The following IGF2BP2 variants were observed in gnomAD, a reference collection of about 807,000 sequenced individuals.
IGF2BP2 encodes insulin-like growth factor 2 mRNA-binding protein 2.
IGF2BP2 carries 17 observed loss-of-function variants against 75.8 expected under a neutral mutation model. The ratio of observed to expected loss-of-function variants is 0.22; its 90% CI spans 0.15 to 0.34. The LOEUF (loss-of-function observed/expected upper bound fraction) is 0.34. Ranked by LOEUF, IGF2BP2 falls within the 10% of genes least tolerant of loss-of-function variation. The pLI is 1.00. For synonymous variants in IGF2BP2, 288 were observed against 295.6 expected (o/e 0.97, Z 0.26); for missense variants, 516 against 772.4 (o/e 0.67, Z 3.93).
chr3:185,804,386 C>T (rs530581284), intron 2 of IGF2BP2, among the ~76,000 whole-genome samples: 8 of 150,718 alleles, frequency 5.3e-5, no homozygotes, highest in South Asian at 2.1e-4. Context: ...GAGCTGAGAT[C>T]GCGCCACTGC....
chr3:185,809,406 A>G (rs1560505910), intron 2 of IGF2BP2, among the ~76,000 whole-genome samples: 1 of 152,216 alleles, frequency 6.6e-6, no homozygotes, highest in Non-Finnish European at 1.5e-5. Flanking sequence ...TGAAGGTTTA[A>G]AGAACCTTCA....
chr3:185,779,286 T>C (rs1734911414), intron 2 of IGF2BP2, among the ~76,000 whole-genome samples: 1 of 152,162 alleles, frequency 6.6e-6, no homozygotes, highest in Admixed American at 6.5e-5. Context: ...TTCTTCTATT[T>C]TCAAAGTGTA....
At chr3:185,789,511 A>T (rs11705729) in intron 2 of IGF2BP2, among the ~76,000 whole-genome samples, 67,985 of 151,976 alleles carry the variant, frequency 0.45, 18,172 homozygotes, top group African/African-American at 0.77. Context: ...GAAGCCCACC[A>T]GCAGCAAGAC....
rs1229847384 is a variant in IGF2BP2, at chr3:185,647,571, A to C, written c.1594-433T>G. Among the ~76,000 whole-genome samples, 2 of 151,860 alleles carry C rather than the reference A, an allele frequency of 1.3e-5. No individual in the cohort carries two copies. Among genetic ancestry groups the C allele is most frequent in the Non-Finnish European group, 2.9e-5 (2 of 67,976 alleles). The stretch of plus-strand genomic sequence containing the variant: ...CTCCTCTTGGTTAACTTTCCCTGCG[A>C]ATCAGCCCTGCTGTTCCCTCCTCCT... On this transcript the variant is annotated intron_variant, in intron 14 of 15. Transcript: ENST00000382199. This position sits in a 1 kb window ranked among gnomAD's most constrained non-coding sequence, Gnocchi z 4.9.
chr3:185,651,924 G>A (rs947810567), intron 13 of IGF2BP2, among the ~76,000 whole-genome samples, 170 bp downstream of exon 13: 3 of 151,928 alleles, frequency 2.0e-5, no homozygotes, highest in Non-Finnish European at 4.4e-5. Context: ...CCCAGCAGAG[G>A]GCAAACATGC....
At chr3:185,693,032 C>T (rs1163554944) in intron 4 of IGF2BP2, 4 of 303,062 alleles carry the variant, frequency 1.3e-5, no homozygotes, top group Non-Finnish European at 2.4e-5. Context: ...TGTATCAGTA[C>T]ATTTTCTTTG....
intron 2 of IGF2BP2, among the ~76,000 whole-genome samples, chr3:185,741,568 G>A (rs762617696): frequency 2.0e-4 from 30 of 152,152 alleles, no homozygotes; most frequent in Admixed American, 7.2e-4. Flanking sequence ...CCTGGAATTC[G>A]CTCTGAACAG....
rs1713320767 is a variant in IGF2BP2, at chr3:185,645,305, G to A, written c.*226C>T. On this transcript the variant is annotated 3_prime_UTR_variant, in exon 16 of 16. Transcript: ENST00000382199. The surrounding 1 kb of genome is among the most constrained non-coding windows in gnomAD (Gnocchi z 4.9). ...AGCCTGCAGAAGCCCTGGGGGGCGG[G>A]AGGCGGGGCTCGGTGGTTCTGGCAA... The A allele has an allele frequency of 1.8e-6, 1 of 556,602 alleles. No individual in the cohort carries two copies. The highest frequency in any genetic ancestry group is 2.5e-5 in the South Asian group (1 of 40,624). 34.5% of individuals were successfully genotyped at this position (556,602 alleles called of 1,614,324 possible). A position where few individuals can be genotyped will look rare whatever the true frequency, so the allele number is the denominator to read the frequency against.
chr3:185,675,226 C>T, intron 9 of IGF2BP2, 70 bp downstream of exon 9: 1 of 1,524,160 alleles, frequency 6.6e-7, no homozygotes, highest in South Asian at 1.2e-5. Flanking sequence ...AAGGCACTTC[C>T]TCATTAGCTG....
chr3:185,797,038 C>A (rs1383923467), intron 2 of IGF2BP2, among the ~76,000 whole-genome samples: 1 of 152,156 alleles, frequency 6.6e-6, no homozygotes, highest in Non-Finnish European at 1.5e-5. Flanking sequence ...AAACGCACTG[C>A]CCCACCCTGT....
chr3:185,767,129 C>A (rs776683898), intron 2 of IGF2BP2, among the ~76,000 whole-genome samples: 1 of 152,180 alleles, frequency 6.6e-6, no homozygotes, highest in Non-Finnish European at 1.5e-5. Flanking sequence ...AGAAGCTTCT[C>A]GATGGTGGCA....
At chr3:185,811,985 A>G (rs190071313) in intron 2 of IGF2BP2, among the ~76,000 whole-genome samples, 1 of 152,284 alleles carries the variant, frequency 6.6e-6, no homozygotes, top group African/African-American at 2.4e-5. Flanking sequence ...CCATAGGGGA[A>G]GAAATCACTG....
At chr3:185,696,686 C>T in intron 3 of IGF2BP2, 23 bp from the exon 4 acceptor site, 1 of 1,608,338 alleles carries the variant, frequency 6.2e-7, no homozygotes, top group South Asian at 1.1e-5. Flanking sequence ...GCTTCCATGT[C>T]AGAATGGGAA....
chr3:185,676,395 A>G (rs2149243029), intron 7 of IGF2BP2, among the ~76,000 whole-genome samples: 1 of 152,320 alleles, frequency 6.6e-6, no homozygotes, highest in Middle Eastern at 3.4e-3. Context: ...GAGGAATTCC[A>G]GGCCGGGCGC....
At chr3:185,692,454 A>G (rs1722067327) in intron 5 of IGF2BP2, among the ~76,000 whole-genome samples, 1 of 152,154 alleles carries the variant, frequency 6.6e-6, no homozygotes, top group African/African-American at 2.4e-5. Context: ...ACAATCCACA[A>G]ATATCCCGGT....
At chr3:185,821,658 A>C (rs1741393841) in intron 2 of IGF2BP2, among the ~76,000 whole-genome samples, 1 of 152,134 alleles carries the variant, frequency 6.6e-6, no homozygotes, top group Non-Finnish European at 1.5e-5. Context: ...TACTAATTAT[A>C]ACCCCCAAAA....
At chr3:185,680,636 G>T (rs1435879201) in intron 7 of IGF2BP2, among the ~76,000 whole-genome samples, 1 of 152,196 alleles carries the variant, frequency 6.6e-6, no homozygotes, top group Admixed American at 6.5e-5. Context: ...GGAATGGAAG[G>T]TTTGTTCAGC....
At chr3:185,709,547 T>G (rs1212655803) in intron 2 of IGF2BP2, among the ~76,000 whole-genome samples, 1 of 152,252 alleles carries the variant, frequency 6.6e-6, no homozygotes, top group Non-Finnish European at 1.5e-5. Flanking sequence ...TTTCTTTCAT[T>G]TCCAGTTTAT....
chr3:185,780,385 A>T (rs1735055215), intron 2 of IGF2BP2, among the ~76,000 whole-genome samples: 2 of 152,210 alleles, frequency 1.3e-5, no homozygotes, highest in Admixed American at 6.5e-5. Flanking sequence ...AAGTAGCTAT[A>T]TAGTTCCTTG....
Sources: gnomAD v4.1 joint callset for allele counts (sites outside exome capture counted in the v4.1 genomes callset) on GRCh38, gnomAD v4.1.1 for gene constraint, Gnocchi (gnomAD v3.1) non-coding constraint, MANE v1.5 for transcripts, NCBI Gene and HGNC (gene_info 2026-07-23, HGNC 2026-07-21) for gene names.